The following PDE4D variants were observed in gnomAD, a reference collection of about 807,000 sequenced individuals.
The protein encoded by PDE4D is phosphodiesterase 4D.
In PDE4D, 24 loss-of-function variants were observed where a neutral mutation model predicts 87.4. That is an observed-to-expected ratio of 0.27 (90% CI 0.20 to 0.39). The LOEUF (loss-of-function observed/expected upper bound fraction) is 0.39. PDE4D is among the 10% of genes least tolerant of loss of function. The pLI, the probability that PDE4D is intolerant of heterozygous loss-of-function variation, is 1.00. For missense variants in PDE4D, 714 were observed against 1,041.0 expected (o/e 0.69, Z 4.32); for synonymous variants, 384 against 383.2 (o/e 1.00, Z -0.02).
intron 1 of PDE4D, among the ~76,000 whole-genome samples, chr5:60,388,398 A>T (rs949435198): frequency 2.1e-5 from 3 of 144,700 alleles, no homozygotes; most frequent in African/African-American, 8.1e-5. Context: ...ATTTTTTCTA[A>T]AAAAAAAATG....
intron 1 of PDE4D, among the ~76,000 whole-genome samples, chr5:60,509,297 A>C (rs1750464814): frequency 6.6e-6 from 1 of 152,224 alleles, no homozygotes; most frequent in Admixed American, 6.5e-5. Flanking sequence ...CCTCGCTTAC[A>C]GCATGAGGGC....
intron 1 of PDE4D, among the ~76,000 whole-genome samples, chr5:59,595,449 C>T (rs1465570724): frequency 6.6e-6 from 1 of 152,170 alleles, no homozygotes; most frequent in African/African-American, 2.4e-5. Flanking sequence ...ATACTTCTTT[C>T]CAGTCTTCCT....
chr5:59,535,109 A>T (rs1814949864), intron 1 of PDE4D, among the ~76,000 whole-genome samples: 1 of 149,560 alleles, frequency 6.7e-6, no homozygotes, highest in Non-Finnish European at 1.5e-5. Flanking sequence ...TATCTAGCTG[A>T]TTCAAATCAT....
At chr5:59,574,058 AAAAATATATATATT>A (rs1822433214) in intron 1 of PDE4D, among the ~76,000 whole-genome samples, 4 of 57,518 alleles carry the variant, frequency 7.0e-5, no homozygotes, top group African/African-American at 3.0e-4. Context: ...ATTTATATAT[AAAAATATATATATT>A]TATATATATA....
At chr5:60,263,789 C>A (rs1033353527) in intron 1 of PDE4D, among the ~76,000 whole-genome samples, 11 of 152,014 alleles carry the variant, frequency 7.2e-5, no homozygotes, top group Non-Finnish European at 1.5e-4. Context: ...CTATTATGAG[C>A]AGAGCACTGT....
intron 1 of PDE4D, among the ~76,000 whole-genome samples, chr5:59,340,641 T>G (rs1335647259): frequency 6.6e-6 from 1 of 152,182 alleles, no homozygotes; most frequent in East Asian, 1.9e-4. Flanking sequence ...TCTAAATATA[T>G]TTTTGTACCC....
chr5:59,830,263 G>C (rs546363046), intron 1 of PDE4D, among the ~76,000 whole-genome samples: 72 of 152,160 alleles, frequency 4.7e-4, no homozygotes, highest in African/African-American at 1.6e-3. Context: ...TCATTTGTTA[G>C]CTGCCTCGCT....
At chr5:59,784,790 A>C (rs561081496) in intron 1 of PDE4D, among the ~76,000 whole-genome samples, 9 of 152,260 alleles carry the variant, frequency 5.9e-5, no homozygotes, top group African/African-American at 2.2e-4. Context: ...GTGTTGTGGG[A>C]GGGACCTGGT....
At chr5:60,034,460 A>G (rs1411021977) in intron 2 of PDE4D, among the ~76,000 whole-genome samples, 2 of 152,016 alleles carry the variant, frequency 1.3e-5, no homozygotes, top group Admixed American at 6.5e-5. Context: ...ACCAATTTCT[A>G]CTTCTGCTGT....
chr5:59,111,023 G>A (rs1395114609), intron 5 of PDE4D, among the ~76,000 whole-genome samples: 1 of 152,168 alleles, frequency 6.6e-6, no homozygotes, highest in Non-Finnish European at 1.5e-5. Flanking sequence ...CACCCAGGAG[G>A]ATTTGAACTA....
intron 3 of PDE4D, among the ~76,000 whole-genome samples, chr5:59,984,294 T>G (rs940421877): frequency 6.6e-6 from 1 of 152,180 alleles, no homozygotes; most frequent in Non-Finnish European, 1.5e-5. Context: ...CTTTCCAAAT[T>G]ACTTCTATGC....
intron 1 of PDE4D, among the ~76,000 whole-genome samples, chr5:60,377,183 C>T (rs755387627): frequency 2.0e-5 from 3 of 152,188 alleles, no homozygotes; most frequent in Non-Finnish European, 4.4e-5. Context: ...TTGTCACTGC[C>T]TATTTCTGTA....
intron 1 of PDE4D, among the ~76,000 whole-genome samples, chr5:59,541,318 TTAAA>T (rs1419878659): frequency 1.3e-5 from 2 of 152,216 alleles, no homozygotes; most frequent in East Asian, 3.8e-4. Context: ...AGTTCATAAA[TTAAA>T]TGTTATCAAA....
At chr5:59,054,395 A>G (rs1347036733) in intron 5 of PDE4D, among the ~76,000 whole-genome samples, 1 of 152,188 alleles carries the variant, frequency 6.6e-6, no homozygotes, top group Non-Finnish European at 1.5e-5. Context: ...TCACTTTTGA[A>G]GGCATGTGGA....
intron 1 of PDE4D, among the ~76,000 whole-genome samples, chr5:60,189,460 C>T (rs1158693392): frequency 2.6e-5 from 4 of 152,146 alleles, no homozygotes; most frequent in Non-Finnish European, 5.9e-5. Context: ...ATCTCCACAA[C>T]CCACCTCACA....
chr5:60,227,148 A>G (rs1174968096), intron 1 of PDE4D, among the ~76,000 whole-genome samples: 1 of 152,128 alleles, frequency 6.6e-6, no homozygotes, highest in Admixed American at 6.6e-5. Flanking sequence ...AGTTTCCCCA[A>G]TCAGTCACAA....
chr5:59,139,529 C>T (rs1777592657), intron 5 of PDE4D, among the ~76,000 whole-genome samples: 1 of 152,188 alleles, frequency 6.6e-6, no homozygotes, highest in Admixed American at 6.5e-5. Flanking sequence ...TCACTGTCGC[C>T]TAGGCTGGAG....
chr5:60,034,247 C>T (rs1767547947), intron 2 of PDE4D, among the ~76,000 whole-genome samples: 1 of 152,144 alleles, frequency 6.6e-6, no homozygotes, highest in Admixed American at 6.5e-5. Context: ...TTTCCCATTG[C>T]CCTTACAACA....
chr5:59,089,270 G>A (rs1229169776), intron 5 of PDE4D, among the ~76,000 whole-genome samples: 1 of 144,258 alleles, frequency 6.9e-6, no homozygotes, highest in Non-Finnish European at 1.5e-5. Flanking sequence ...CAGGTCAGTA[G>A]CTTGGCTCTG....
Sources: gnomAD v4.1 joint callset for allele counts (sites outside exome capture counted in the v4.1 genomes callset) on GRCh38, gnomAD v4.1.1 for gene constraint, MANE v1.5 for transcripts, NCBI Gene and HGNC (gene_info 2026-07-23, HGNC 2026-07-21) for gene names.